KDM6B: variants seen among roughly 807,000 people sequenced by gnomAD.
The protein encoded by KDM6B is lysine demethylase 6B.
KDM6B carries 22 observed loss-of-function variants against 150.4 expected under a neutral mutation model. The observed-to-expected ratio is 0.15, with a 90% CI of 0.10 to 0.21. The LOEUF is 0.21. Ranked by LOEUF, KDM6B falls within the 10% of genes least tolerant of loss-of-function variation. The pLI is 1.00. For synonymous variants in KDM6B, 1,148 were observed against 921.1 expected (o/e 1.25, Z -4.46); for missense variants, 1,984 against 2,234.3 (o/e 0.89, Z 2.26).
Position 7,846,865 on chromosome 17 carries a change from C to CACCACCACCATT in KDM6B, c.768_769insTTACCACCACCA (p.Pro256_Pro257insLeuProProPro). The CACCACCACCATT allele has an allele frequency of 7.9e-7, 1 of 1,260,478 alleles. No homozygotes were observed. The highest frequency in any genetic ancestry group is 3.7e-5 in the East Asian group (1 of 27,076). The allele number at this position is 1,260,478 out of a possible 1,614,324, so 78.1% of individuals were successfully genotyped here. On this transcript the variant is annotated inframe_insertion, in exon 10 of 24. Transcript: ENST00000448097. ...CCACTGCCTCCACCACCATTACCACCACCACCACCACCACCACCACCACCA... is the reference window on the plus strand; with the variant it reads ...CCACTGCCTCCACCACCATTACCACCACCACCACCATTACCACCACCACCACCACCACCACCA...
rs1039495075 is a variant in KDM6B, at chr17:7,844,025, C to T, written c.-268-876C>T. ...AGTGGGACAAGGGTGATGTCACTGC[C>T]TGTCGGGCCCCGCCCTCCTCCCTCC... On this transcript the variant is annotated intron_variant, in intron 2 of 23. Transcript: ENST00000448097. The surrounding 1 kb of genome is among the most constrained non-coding windows in gnomAD (Gnocchi z 5.9). Among the ~76,000 whole-genome samples the T allele has an allele frequency of 3.3e-5, 5 of 151,028 alleles. No individual in the cohort carries two copies. Among genetic ancestry groups the T allele is most frequent in the Admixed American group, 6.6e-5 (1 of 15,182 alleles).
In KDM6B at chr17:7,843,600, C is replaced by T. The variant is rs528524952; in HGVS notation, c.-268-1301C>T. Among the ~76,000 whole-genome samples, 10 of 152,326 alleles carry T rather than the reference C, an allele frequency of 6.6e-5. No individual in the cohort carries two copies. The East Asian group carries it at 1.7e-3, about 26-fold the overall frequency. ...CACAGCGCAGACTTCTCTCAACGAA[C>T]GCGAACTTTCCAGCCACCCCCAGCC... is the stretch of plus-strand genomic sequence containing the variant. On this transcript the variant is annotated intron_variant, in intron 2 of 23. Transcript: ENST00000448097. This position sits in a 1 kb window ranked among gnomAD's most constrained non-coding sequence, Gnocchi z 4.5.
rs765988327 is a variant in KDM6B at position 7,846,225 on chromosome 17, C to A, written c.384C>A (p.Arg128=). Residue 128 remains arginine, a synonymous_variant, in exon 7 of 24, where the codon CGC becomes CGA. Transcript: ENST00000448097. ...ESEHDSEEAT[R]CYHSALRYGG... is the part of the protein sequence containing the mutation. Reference sequence around the variant, plus strand: ...AGCACGATAGTGAGGAGGCCACACGCTGCTACCACAGCGCCCTTCGATACG... The same window carrying A: ...AGCACGATAGTGAGGAGGCCACACGATGCTACCACAGCGCCCTTCGATACG... 6.2e-7 allele frequency: 1 copy of A among 1,614,142 alleles called. No individual in the cohort carries two copies. The highest frequency in any genetic ancestry group is 1.7e-5 in the Admixed American group (1 of 60,024).
Position 7,847,842 on chromosome 17 carries a change from C to T in KDM6B, c.1554C>T (p.Pro518=), listed in dbSNP as rs537051929. 1.3e-5 allele frequency: 21 copies of T among 1,557,396 alleles called. No individual in the cohort carries two copies. Among genetic ancestry groups the T allele is most frequent in the Admixed American group, 9.6e-5 (5 of 52,208 alleles). The change falls in exon 12 of 24, where the codon CCC becomes CCT. Residue 518 remains proline, a synonymous_variant. Transcript: ENST00000448097. ...GACCCCCCCGCCCTGCCCCACCACC[C>T]CTCCCCCATCGCGAGGGCTTCTTGG... ...TEGPPRPAPP[P]LPHREGFLGP...
rs1314008049 is a variant in KDM6B, at chr17:7,853,578, C to T, written c.*57C>T. The T allele has an allele frequency of 3.1e-6, 4 of 1,309,866 alleles. No individual in the cohort carries two copies. The highest frequency in any genetic ancestry group is 1.7e-5 in the South Asian group (1 of 59,532). The allele number at this position is 1,309,866 out of a possible 1,614,324, so 81.1% of individuals were successfully genotyped here. On this transcript the variant is annotated 3_prime_UTR_variant, in exon 24 of 24. Coordinates refer to ENST00000448097, the MANE Select transcript of KDM6B (RefSeq NM_001348716.2). Reference sequence around the variant, plus strand: ...GCAAGGCGCCGCGGGGCCACCAGCACATGCCTGGGCTGGACCTAGGTCCCG... The same window carrying T: ...GCAAGGCGCCGCGGGGCCACCAGCATATGCCTGGGCTGGACCTAGGTCCCG...
In KDM6B at chr17:7,854,776, A is replaced by G. The variant is rs2078777871; in HGVS notation, c.*1255A>G. 2.7e-6 allele frequency: 1 copy of G among 367,832 alleles called. No homozygotes were observed. Among genetic ancestry groups the G allele is most frequent in the Admixed American group, 4.3e-5 (1 of 23,216 alleles). The allele number at this position is 367,832 out of a possible 1,614,324, so 22.8% of individuals were successfully genotyped here. A position where few individuals can be genotyped will look rare whatever the true frequency, so the allele number is the denominator to read the frequency against. On this transcript the variant is annotated 3_prime_UTR_variant, in exon 24 of 24. Transcript: ENST00000448097. ...TTTTTGTGTGAGAATATTAATATTA[A>G]AAATAAACGGAGAAAAAAAATCCTG...
chr17:7,850,583 C>T (rs1016572103), intron 14 of KDM6B, among the ~76,000 whole-genome samples: 13 of 152,232 alleles, frequency 8.5e-5, no homozygotes, highest in African/African-American at 3.1e-4. Flanking sequence ...CTTCCCCACA[C>T]TGAGTTATTT....
In KDM6B at chr17:7,851,047, C is replaced by T; in HGVS notation, c.3700C>T (p.Leu1234=). 1 of 1,611,914 alleles carries T rather than the reference C, an allele frequency of 6.2e-7. No homozygotes were observed. The highest frequency in any genetic ancestry group is 8.5e-7 in the Non-Finnish European group (1 of 1,179,342). The change falls in exon 15 of 24, where the codon CTG becomes TTG. Residue 1234 remains leucine, a synonymous_variant. Transcript: ENST00000448097. ...CTTGGGCCTCTTCTCCACCAAGACC[C>T]TGGTGGAAGCGAGTGGCGAACACAC... ...LNLGLFSTKT[L]VEASGEHTVE...
In KDM6B at chr17:7,851,193, G is replaced by A; in HGVS notation, c.3846G>A (p.Gln1282=). 1 of 1,614,048 alleles carries A rather than the reference G, an allele frequency of 6.2e-7. No individual in the cohort carries two copies. Among genetic ancestry groups the A allele is most frequent in the Non-Finnish European group, 8.5e-7 (1 of 1,180,050 alleles). Residue 1282 remains glutamine, a synonymous_variant, in exon 15 of 24, where the codon CAG becomes CAA. Coordinates refer to ENST00000448097, the MANE Select transcript of KDM6B (RefSeq NM_001348716.2). The part of the protein sequence containing the change: ...RSHTTIAKYA[Q]YQASSFQESL... ...ACACCACCATTGCCAAGTACGCACA[G>A]TACCAGGCCTCATCCTTCCAGGAGT...
chr17:7,845,237 C>G (rs972771393), intron 3 of KDM6B, 77 bp from the exon 4 acceptor site: 1 of 512,988 alleles, frequency 1.9e-6, no homozygotes, highest in African/African-American at 1.9e-5. Flanking sequence ...TGGTGGATGC[C>G]ACAGTCCGCC....
At position 7,847,324 on chromosome 17, in the gene KDM6B, G is replaced by C. The variant is rs1317569614; in HGVS notation, c.1129G>C (p.Ala377Pro). 1.2e-6 allele frequency: 2 copies of C among 1,608,844 alleles called. No homozygotes were observed. Among genetic ancestry groups the C allele is most frequent in the Admixed American group, 3.3e-5 (2 of 59,998 alleles). Residue 377 changes from alanine (A) to proline (P), a missense_variant, in exon 11 of 24, where the codon GCA becomes CCA. Coordinates refer to ENST00000448097, the MANE Select transcript of KDM6B (RefSeq NM_001348716.2). Reference sequence around the variant, plus strand: ...GCGGATGGACTCCAGCGTTTCACCAGCAGCAACCACCGCCTGCGTGCCTTA... The same window carrying C: ...GCGGATGGACTCCAGCGTTTCACCACCAGCAACCACCGCCTGCGTGCCTTA... The part of the protein sequence containing the change: ...RSRMDSSVSP[A>P]ATTACVPYAP...
chr17:7,853,725 A>T lies in KDM6B; in HGVS notation c.*204A>T. The stretch of plus-strand genomic sequence containing the variant: ...AAATATGAGGAAAAAAGGAAAAAAA[A>T]TGGGAGACGGGGGAGGGGGCTGGCA... On this transcript the variant is annotated 3_prime_UTR_variant, in exon 24 of 24. Coordinates refer to ENST00000448097, the MANE Select transcript of KDM6B (RefSeq NM_001348716.2). 2.9e-6 allele frequency: 1 copy of T among 344,410 alleles called. No individual in the cohort carries two copies. The highest frequency in any genetic ancestry group is 5.1e-6 in the Non-Finnish European group (1 of 196,212). 21.3% of individuals were successfully genotyped at this position (344,410 alleles called of 1,614,324 possible). A position where few individuals can be genotyped will look rare whatever the true frequency, so the allele number is the denominator to read the frequency against.
Position 7,849,454 on chromosome 17 carries a change from C to G in KDM6B, c.3166C>G (p.Pro1056Ala). 6.2e-7 allele frequency: 1 copy of G among 1,612,652 alleles called. No individual in the cohort carries two copies. Among genetic ancestry groups the G allele is most frequent in the Non-Finnish European group, 8.5e-7 (1 of 1,179,858 alleles). Residue 1056 changes from proline to alanine, a missense_variant, in exon 12 of 24, where the codon CCT (proline) becomes GCT (alanine). Pro to Ala is a conservative substitution (Grantham distance 27). Transcript: ENST00000448097. ...CACAGCTCCAGCCCCTCCATCAGCTCCTGCACCTTCTGCCCAGCCCACACC... is the reference window on the plus strand; with the variant it reads ...CACAGCTCCAGCCCCTCCATCAGCTGCTGCACCTTCTGCCCAGCCCACACC... Reference protein sequence around the residue: ...PPTAPAPPSAPAPSAQPTPPS... With the variant: ...PPTAPAPPSAAAPSAQPTPPS...
intron 1 of KDM6B, among the ~76,000 whole-genome samples, chr17:7,839,181 T>TA (rs2078378060): frequency 6.6e-6 from 1 of 152,170 alleles, no homozygotes; most frequent in Non-Finnish European, 1.5e-5. Flanking sequence ...GCCTTGGACT[T>TA]ATGCTAAAAG....
Position 7,849,204 on chromosome 17 carries a change from T to TAAGCGGCGACAG in KDM6B, c.2920_2931dup (p.Arg974_Lys977dup). ...GGGTGGCGGCAGTGTCAGGCAGCTG[T>TAAGCGGCGACAG]AAGCGGCGACAGAAGGAGCATCAGA... On this transcript the variant is annotated inframe_insertion, in exon 12 of 24. Transcript: ENST00000448097. 6.2e-7 allele frequency: 1 copy of TAAGCGGCGACAG among 1,600,032 alleles called. No homozygotes were observed. The highest frequency in any genetic ancestry group is 8.5e-7 in the Non-Finnish European group (1 of 1,173,146).
Position 7,843,996 on chromosome 17 carries a change from T to C in KDM6B, c.-268-905T>C, listed in dbSNP as rs1733498933. Among the ~76,000 whole-genome samples the C allele has an allele frequency of 6.8e-6, 1 of 148,004 alleles. No individual in the cohort carries two copies. Among genetic ancestry groups the C allele is most frequent in the African/African-American group, 2.5e-5 (1 of 39,638 alleles). On this transcript the variant is annotated intron_variant, in intron 2 of 23. Transcript: ENST00000448097. This position sits in a 1 kb window ranked among gnomAD's most constrained non-coding sequence, Gnocchi z 4.5. ...CTGGGTTCTTTAAGGGAGTGGGTGG[T>C]GAGAGTGGGACAAGGGTGATGTCAC... is the stretch of plus-strand genomic sequence containing the variant.
At chr17:7,845,517 C>T (rs1597832603) in intron 4 of KDM6B, 33 bp from the exon 5 acceptor site, 5 of 1,613,814 alleles carry the variant, frequency 3.1e-6, no homozygotes, top group East Asian at 2.2e-5. Flanking sequence ...GTTTTGCCTC[C>T]AGTAAGAGCA....
chr17:7,847,127 A>G lies in KDM6B; in HGVS notation c.932A>G (p.His311Arg), dbSNP rs779283427. 4 of 1,610,992 alleles carry G rather than the reference A, an allele frequency of 2.5e-6. No homozygotes were observed. The African/African-American group carries it at 4.0e-5, about 16-fold the overall frequency. ...TAGGAGCAGCGGCACTCGCTGCCTC[A>G]CCCATATCCATACCCAGCTCCAGCG... ...ERQEQRHSLP[H>R]PYPYPAPAYT... Residue 311 changes from histidine to arginine, a missense_variant, in exon 11 of 24, where the codon CAC becomes CGC. His to Arg is a conservative substitution (Grantham distance 29). Coordinates refer to ENST00000448097, the MANE Select transcript of KDM6B (RefSeq NM_001348716.2).
In KDM6B at chr17:7,851,939, C is replaced by G; in HGVS notation, c.4166-12C>G. The stretch of plus-strand genomic sequence containing the variant: ...CCTGGCCAGCCATGCCGTTCTCTGT[C>G]GACCCCTGCAGGCCACCAGGAGAAT... On this transcript the variant is annotated splice_polypyrimidine_tract_variant and intron_variant, in intron 18 of 23. Coordinates refer to ENST00000448097, the MANE Select transcript of KDM6B (RefSeq NM_001348716.2). The G allele has an allele frequency of 6.2e-7, 1 of 1,612,490 alleles. No homozygotes were observed. Among genetic ancestry groups the G allele is most frequent in the Non-Finnish European group, 8.5e-7 (1 of 1,178,928 alleles).
Sources: allele counts gnomAD v4.1 joint callset (sites outside exome capture counted in the v4.1 genomes callset), GRCh38; gene constraint gnomAD v4.1.1; non-coding constraint Gnocchi (gnomAD v3.1); transcripts MANE v1.5; gene names NCBI Gene and HGNC (gene_info 2026-07-23, HGNC 2026-07-21).